TJP1: variants seen among roughly 807,000 people sequenced by gnomAD.
TJP1 encodes tight junction protein ZO-1.
Under a neutral mutation model 194.2 loss-of-function variants are expected in TJP1, and 43 were observed. That is an observed-to-expected ratio of 0.22 (90% CI 0.17 to 0.29). TJP1 has a LOEUF of 0.29. Among genes scored for constraint, TJP1 ranks in the 10% least tolerant of loss-of-function variants. The probability of loss-of-function intolerance (pLI) is 1.00; values close to 1 mark genes in which losing one functional copy is unlikely to be tolerated. For missense variants in TJP1, 1,971 were observed against 2,185.7 expected (o/e 0.90, Z 1.96); for synonymous variants, 801 against 779.0 (o/e 1.03, Z -0.47).
chr15:29,899,373 A>T (rs2053571002), intron 2 of TJP1, among the ~76,000 whole-genome samples: 1 of 152,236 alleles, frequency 6.6e-6, no homozygotes, highest in Non-Finnish European at 1.5e-5. Flanking sequence ...TTCTGCTCTC[A>T]ATTAAGTGAA....
At chr15:29,813,876 C>T (rs1218942466) in intron 1 of TJP1, among the ~76,000 whole-genome samples, 1 of 152,204 alleles carries the variant, frequency 6.6e-6, no homozygotes, top group Non-Finnish European at 1.5e-5. Context: ...AGGTAACCAA[C>T]AAATATCTGC....
chr15:29,865,090 A>C (rs942071898), intron 2 of TJP1, among the ~76,000 whole-genome samples: 1 of 152,182 alleles, frequency 6.6e-6, no homozygotes, highest in Non-Finnish European at 1.5e-5. Flanking sequence ...TTGAGTTGAA[A>C]ATCTACAAGT....
chr15:29,756,972 A>T (rs2045681758), intron 8 of TJP1, among the ~76,000 whole-genome samples: 1 of 152,198 alleles, frequency 6.6e-6, no homozygotes, highest in Admixed American at 6.5e-5. Flanking sequence ...TACTACTATG[A>T]ATCACCATAA....
chr15:29,737,232 T>C (rs780688910), intron 11 of TJP1, 32 bp downstream of exon 11: 3 of 1,608,612 alleles, frequency 1.9e-6, no homozygotes, highest in East Asian at 2.2e-5. Flanking sequence ...CCAAATACTT[T>C]TTAACCCACA....
At chr15:29,707,308 A>T (rs973209571) in intron 25 of TJP1, among the ~76,000 whole-genome samples, 1 of 152,226 alleles carries the variant, frequency 6.6e-6, no homozygotes, top group East Asian at 1.9e-4. Context: ...GGTGAGCAGA[A>T]AGACCAACGA....
intron 8 of TJP1, among the ~76,000 whole-genome samples, chr15:29,757,448 C>CTATA (rs1223922950): frequency 6.6e-6 from 1 of 151,952 alleles, no homozygotes; most frequent in Non-Finnish European, 1.5e-5. Context: ...AAACAAAAGA[C>CTATA]TATATATGGA....
chr15:29,815,958 C>T (rs996421629), intron 1 of TJP1, among the ~76,000 whole-genome samples: 4 of 151,574 alleles, frequency 2.6e-5, no homozygotes, highest in Non-Finnish European at 4.4e-5. Flanking sequence ...ACATATACTG[C>T]GTTACAGCCC....
chr15:29,753,080 T>A (rs1010678459), intron 8 of TJP1, among the ~76,000 whole-genome samples: 1 of 152,210 alleles, frequency 6.6e-6, no homozygotes, highest in Non-Finnish European at 1.5e-5. Flanking sequence ...CTGATTCTCT[T>A]TATAGCATTT....
chr15:29,747,347 TAATAA>T (rs1283612271), intron 8 of TJP1, among the ~76,000 whole-genome samples: 2 of 152,150 alleles, frequency 1.3e-5, no homozygotes, highest in Admixed American at 1.3e-4. Flanking sequence ...ATTACTTGTG[TAATAA>T]AATATCACAA....
chr15:29,949,655 T>TCCACCACCA (rs2055542759), intron 2 of TJP1, among the ~76,000 whole-genome samples: 2 of 44,700 alleles, frequency 4.5e-5, no homozygotes, highest in African/African-American at 8.0e-5. Context: ...CACCACCACC[T>TCCACCACCA]CCACCTCCAC....
At chr15:29,701,809 T>C (rs535959530) in intron 27 of TJP1, 120 bp from the exon 28 acceptor site, 79 of 696,336 alleles carry the variant, frequency 1.1e-4, no homozygotes, top group Middle Eastern at 4.9e-4. Context: ...CTTCAGCATA[T>C]TGAATTTGTA....
At chr15:29,822,510 C>T (rs1158554629), upstream of TJP1, 18 of 980,492 alleles carry the variant, frequency 1.8e-5, no homozygotes, top group Non-Finnish European at 2.1e-5. Context: ...CCCGGCCCGG[C>T]GGGGGCGGGG....
chr15:29,936,412 T>C (rs2054884052), intron 2 of TJP1, among the ~76,000 whole-genome samples: 1 of 152,224 alleles, frequency 6.6e-6, no homozygotes. Context: ...CAGCCTGTTG[T>C]AGACATTGTG....
chr15:29,804,969 T>G (rs1328787681), intron 1 of TJP1, among the ~76,000 whole-genome samples: 1 of 152,096 alleles, frequency 6.6e-6, no homozygotes, highest in Non-Finnish European at 1.5e-5. Context: ...CCTACACAAT[T>G]AGGGAAATGG....
chr15:29,728,331 T>C (rs2043373199), intron 15 of TJP1: 1 of 243,662 alleles, frequency 4.1e-6, no homozygotes, highest in African/African-American at 2.3e-5. Context: ...TTCCCACCCT[T>C]TTTCACACTG....
chr15:29,750,420 T>A (rs2045190519), intron 8 of TJP1, among the ~76,000 whole-genome samples: 1 of 152,202 alleles, frequency 6.6e-6, no homozygotes, highest in African/African-American at 2.4e-5. Flanking sequence ...ATTACAGGTG[T>A]GAGCCACTGC....
chr15:29,896,206 G>A (rs1596205807), intron 2 of TJP1, among the ~76,000 whole-genome samples: 1 of 152,312 alleles, frequency 6.6e-6, no homozygotes, highest in East Asian at 1.9e-4. Flanking sequence ...TGTCATAGGA[G>A]GAACCCCAGT....
chr15:29,941,424 C>T (rs558462172), intron 2 of TJP1, among the ~76,000 whole-genome samples: 1 of 152,308 alleles, frequency 6.6e-6, no homozygotes, highest in South Asian at 2.1e-4. Flanking sequence ...CCTCACCCTC[C>T]AGTAGAACAG....
intron 2 of TJP1, among the ~76,000 whole-genome samples, chr15:29,907,396 G>A (rs888790143): frequency 5.3e-5 from 8 of 152,050 alleles, no homozygotes; most frequent in African/African-American, 9.7e-5. Context: ...GTGACAGAGC[G>A]AGACTCCATC....
Sources: allele counts gnomAD v4.1 joint callset (sites outside exome capture counted in the v4.1 genomes callset), GRCh38; gene constraint gnomAD v4.1.1; transcripts MANE v1.5; gene names NCBI Gene and HGNC (gene_info 2026-07-23, HGNC 2026-07-21).